The following ACOXL variants were observed in gnomAD, a reference collection of about 807,000 sequenced individuals.
The protein encoded by ACOXL is acyl-coenzyme A oxidase-like protein.
In ACOXL, 70 loss-of-function variants were observed where a neutral mutation model predicts 71.9. That is an observed-to-expected ratio of 0.97 (90% CI 0.80 to 1.19). The LOEUF is 1.19. ACOXL is among the 50% of genes most tolerant of loss of function. The probability of loss-of-function intolerance (pLI) is 0.00; values close to 1 mark genes in which losing one functional copy is unlikely to be tolerated. For synonymous variants in ACOXL, 253 were observed against 281.6 expected (o/e 0.90, Z 1.02); for missense variants, 703 against 736.3 (o/e 0.95, Z 0.52).
At chr2:111,074,603 T>A (rs2149944657) in intron 16 of ACOXL, among the ~76,000 whole-genome samples, 1 of 151,552 alleles carries the variant, frequency 6.6e-6, no homozygotes, top group Admixed American at 6.6e-5. Flanking sequence ...TGTCTTTTGA[T>A]TTTTTTTTGG....
intron 10 of ACOXL, among the ~76,000 whole-genome samples, chr2:110,847,756 G>A (rs1322165052): frequency 1.3e-5 from 2 of 152,196 alleles, no homozygotes; most frequent in East Asian, 1.9e-4. Context: ...AGGGCTGGAC[G>A]GGGAAAGAGA....
At chr2:111,020,049 G>A (rs927610616) in intron 14 of ACOXL, among the ~76,000 whole-genome samples, 6 of 152,104 alleles carry the variant, frequency 3.9e-5, no homozygotes, top group African/African-American at 1.2e-4. Flanking sequence ...TAGTAGAGAT[G>A]GGGTTTCACC....
chr2:111,067,168 A>T (rs1356790571), intron 16 of ACOXL, among the ~76,000 whole-genome samples: 4 of 152,192 alleles, frequency 2.6e-5, no homozygotes. Flanking sequence ...TGCATCAATG[A>T]GATAACACTA....
At chr2:111,081,589 A>G (rs942938881) in intron 16 of ACOXL, among the ~76,000 whole-genome samples, 1 of 152,238 alleles carries the variant, frequency 6.6e-6, no homozygotes, top group Non-Finnish European at 1.5e-5. Flanking sequence ...GAAAATGGCC[A>G]TACTGCCTGA....
chr2:110,873,118 T>C (rs1695470514), intron 10 of ACOXL, among the ~76,000 whole-genome samples: 2 of 152,214 alleles, frequency 1.3e-5, no homozygotes, highest in South Asian at 4.1e-4. Flanking sequence ...GGCGGCCCTG[T>C]CCCTGAAGAG....
chr2:110,895,236 C>G (rs2058960232), intron 10 of ACOXL, among the ~76,000 whole-genome samples: 1 of 151,844 alleles, frequency 6.6e-6, no homozygotes, highest in Admixed American at 6.6e-5. Context: ...AAAGCAGAAC[C>G]AAGTGAAAAT....
At chr2:110,818,439 G>A (rs1688203420) in intron 9 of ACOXL, among the ~76,000 whole-genome samples, 3 of 146,042 alleles carry the variant, frequency 2.1e-5, no homozygotes, top group South Asian at 2.2e-4. Flanking sequence ...GTGTGTGTGT[G>A]TGTGTGTGTG....
intron 17 of ACOXL, among the ~76,000 whole-genome samples, chr2:111,111,948 C>T (rs2069997405): frequency 6.6e-6 from 1 of 151,998 alleles, no homozygotes; most frequent in African/African-American, 2.4e-5. Context: ...TAGTAAACAG[C>T]CAAATTGTGT....
intron 12 of ACOXL, among the ~76,000 whole-genome samples, chr2:110,936,957 C>T (rs756111050): frequency 6.6e-6 from 1 of 151,980 alleles, no homozygotes; most frequent in African/African-American, 2.4e-5. Flanking sequence ...AAGCAATTCT[C>T]CTCCCTCAGC....
intron 9 of ACOXL, among the ~76,000 whole-genome samples, chr2:110,835,551 C>A (rs553893190): frequency 1.3e-5 from 2 of 152,300 alleles, no homozygotes; most frequent in Non-Finnish European, 2.9e-5. Context: ...CCCGTGAGCA[C>A]CAGGAGGCCT....
At chr2:110,784,642 A>C in intron 2 of ACOXL, 90 bp from the exon 3 acceptor site, 1 of 959,176 alleles carries the variant, frequency 1.0e-6, no homozygotes, top group Non-Finnish European at 1.5e-6. Context: ...TTTTATTATA[A>C]AAGTAACATG....
chr2:110,968,762 A>G, intron 12 of ACOXL: 1 of 446,422 alleles, frequency 2.2e-6, no homozygotes, highest in East Asian at 3.3e-5. Flanking sequence ...GATAAAGACA[A>G]TAAACTTATG....
intron 2 of ACOXL, among the ~76,000 whole-genome samples, chr2:110,776,178 A>G (rs928753344): frequency 1.3e-5 from 2 of 152,224 alleles, no homozygotes; most frequent in Non-Finnish European, 2.9e-5. Context: ...ACAAAAAGAT[A>G]AATACGGTAC....
intron 15 of ACOXL, among the ~76,000 whole-genome samples, chr2:111,040,021 G>T (rs1308855831): frequency 6.6e-6 from 1 of 152,202 alleles, no homozygotes. Context: ...ATCCTGAGCA[G>T]TTTAAGACAA....
chr2:110,784,469 G>C (rs995840282), intron 2 of ACOXL, among the ~76,000 whole-genome samples: 1 of 152,152 alleles, frequency 6.6e-6, no homozygotes, highest in African/African-American at 2.4e-5. Flanking sequence ...CAGGGTTGCA[G>C]GCTGGCCTCC....
chr2:110,915,297 C>A (rs191857448), intron 11 of ACOXL, among the ~76,000 whole-genome samples: 31 of 144,248 alleles, frequency 2.1e-4, no homozygotes, highest in African/African-American at 8.1e-4. Context: ...AAATTTTGAG[C>A]CAAATTTGCA....
At chr2:110,953,695 A>T (rs2149417798) in intron 12 of ACOXL, among the ~76,000 whole-genome samples, 1 of 152,332 alleles carries the variant, frequency 6.6e-6, no homozygotes, top group Non-Finnish European at 1.5e-5. Flanking sequence ...TTATGAAAAA[A>T]AAAGAGGCTT....
At chr2:110,823,351 G>T (rs1573693898) in intron 9 of ACOXL, among the ~76,000 whole-genome samples, 1 of 151,684 alleles carries the variant, frequency 6.6e-6, no homozygotes, top group Non-Finnish European at 1.5e-5. Flanking sequence ...ACCACAGTTT[G>T]TCCATTCATC....
chr2:111,093,530 A>G (rs772227319), intron 17 of ACOXL: 4 of 1,614,054 alleles, frequency 2.5e-6, no homozygotes, highest in Non-Finnish European at 3.4e-6. Flanking sequence ...CAGTCTCCAC[A>G]TGAAGGGAGC....
Sources: gnomAD v4.1 joint callset for allele counts (sites outside exome capture counted in the v4.1 genomes callset) on GRCh38, gnomAD v4.1.1 for gene constraint, MANE v1.5 for transcripts, NCBI Gene and HGNC (gene_info 2026-07-23, HGNC 2026-07-21) for gene names.